DOCK5: variants seen among roughly 807,000 people sequenced by gnomAD.
DOCK5 encodes the protein dedicator of cytokinesis 5, also known as dedicator of cytokinesis protein 5.
In DOCK5, 142 loss-of-function variants were observed where a neutral mutation model predicts 251.8. The ratio of observed to expected loss-of-function variants is 0.56; its 90% CI spans 0.49 to 0.65. The LOEUF (loss-of-function observed/expected upper bound fraction) is 0.65, where lower values mean the gene tolerates loss of function less well. DOCK5 is among the 30% of genes least tolerant of loss of function. The pLI is 0.00. For missense variants in DOCK5, 2,111 were observed against 2,312.3 expected (o/e 0.91, Z 1.79); for synonymous variants, 842 against 835.5 (o/e 1.01, Z -0.13).
intron 13 of DOCK5, among the ~76,000 whole-genome samples, chr8:25,315,640 G>A (rs762187454): frequency 9.2e-5 from 14 of 152,182 alleles, no homozygotes; most frequent in Non-Finnish European, 1.5e-4. Flanking sequence ...TATAAACACC[G>A]CAATGAATAT....
intron 28 of DOCK5, among the ~76,000 whole-genome samples, chr8:25,360,301 C>T (rs372708701): frequency 3.3e-5 from 5 of 152,270 alleles, no homozygotes; most frequent in East Asian, 1.9e-4. Context: ...TGTTAGACTA[C>T]GTGGCTTTAG....
In DOCK5 at chr8:25,251,502, C is replaced by A. The variant is rs114801132; in HGVS notation, c.127+7745C>A. 8.0e-3 allele frequency among the ~76,000 whole-genome samples: 1,213 copies of A among 152,194 alleles called. 14 individuals carry two copies. The highest frequency in any genetic ancestry group is 0.027 in the African/African-American group (1,121 of 41,520). On this transcript the variant is annotated intron_variant, in intron 2 of 51. Transcript: ENST00000276440. ...GTCTAGTTTTTGAATGCACTTTAATCAAAAAATCTACTTCCCTCTAATATG... is the reference window on the plus strand; with the variant it reads ...GTCTAGTTTTTGAATGCACTTTAATAAAAAAATCTACTTCCCTCTAATATG...
At chr8:25,221,465 T>G (rs891434035) in intron 1 of DOCK5, among the ~76,000 whole-genome samples, 1 of 152,136 alleles carries the variant, frequency 6.6e-6, no homozygotes, top group Non-Finnish European at 1.5e-5. Flanking sequence ...CCCGCCACCA[T>G]GCCCGGCTGA....
chr8:25,302,471 G>C lies in DOCK5; in HGVS notation c.976+17G>C, dbSNP rs377231522. 7 of 1,534,496 alleles carry C rather than the reference G, an allele frequency of 4.6e-6. No homozygotes were observed. Among genetic ancestry groups the C allele is most frequent in the Non-Finnish European group, 6.1e-6 (7 of 1,140,360 alleles). On this transcript the variant is annotated intron_variant, in intron 10 of 51. Transcript: ENST00000276440. ...GAGTGGCAGGTACAAGAGAGACCCA[G>C]AGACAAATGTGAAATAGTGCAGTGC...
chr8:25,378,229 C>A (rs576953578), intron 38 of DOCK5, among the ~76,000 whole-genome samples: 1 of 152,278 alleles, frequency 6.6e-6, no homozygotes, highest in East Asian at 1.9e-4. Flanking sequence ...CACCATGAGT[C>A]ACCTCATTAG....
At chr8:25,278,085 C>T (rs1804093268) in intron 4 of DOCK5, among the ~76,000 whole-genome samples, 1 of 152,114 alleles carries the variant, frequency 6.6e-6, no homozygotes, top group Non-Finnish European at 1.5e-5. Context: ...GGGACTATTC[C>T]AGAAAGGGGT....
At chr8:25,230,591 C>G (rs1032361815) in intron 1 of DOCK5, among the ~76,000 whole-genome samples, 1 of 152,146 alleles carries the variant, frequency 6.6e-6, no homozygotes, top group Non-Finnish European at 1.5e-5. Context: ...TGACTCATGC[C>G]TGTAACCCCA....
At chr8:25,277,116 G>T in intron 4 of DOCK5, 1 of 154,178 alleles carries the variant, frequency 6.5e-6, no homozygotes, top group South Asian at 1.8e-4. Context: ...CATCACAGAT[G>T]GGAATTTAAG....
chr8:25,199,485 G>A lies in DOCK5; in HGVS notation c.43+14534G>A, dbSNP rs1414048063. Among the ~76,000 whole-genome samples, 3 of 148,428 alleles carry A rather than the reference G, an allele frequency of 2.0e-5. No homozygotes were observed. The East Asian group carries it at 6.0e-4, about 30-fold the overall frequency. The stretch of plus-strand genomic sequence containing the variant: ...TGCAACCTCCACCTCCTGTGTTCAA[G>A]CAATTCTCCTGCCTCAGCCTCCCTA... On this transcript the variant is annotated intron_variant, in intron 1 of 51. Coordinates refer to ENST00000276440, the MANE Select transcript of DOCK5 (RefSeq NM_024940.8).
chr8:25,368,305 C>T, intron 32 of DOCK5, 55 bp downstream of exon 32: 1 of 1,472,572 alleles, frequency 6.8e-7, no homozygotes, highest in Non-Finnish European at 9.3e-7. Context: ...ATAAGCATCC[C>T]ACGATAAAGT....
intron 1 of DOCK5, among the ~76,000 whole-genome samples, chr8:25,194,129 C>CAA (rs34709261): frequency 0.12 from 16,362 of 139,022 alleles, 1,286 homozygotes; most frequent in African/African-American, 0.23. Context: ...CTAAAAAATA[C>CAA]AAAAAAAAAA....
At chr8:25,342,352 T>C in intron 24 of DOCK5, 49 bp from the exon 25 acceptor site, 1 of 1,452,672 alleles carries the variant, frequency 6.9e-7, no homozygotes, top group Non-Finnish European at 9.4e-7. Context: ...AATGATGCCT[T>C]CAATTTGGCA....
chr8:25,245,220 C>G (rs916501542), intron 2 of DOCK5, among the ~76,000 whole-genome samples: 2 of 152,030 alleles, frequency 1.3e-5, no homozygotes, highest in Admixed American at 1.3e-4. Flanking sequence ...CCACACCCAG[C>G]TAATTTTTTA....
chr8:25,396,247 G>A (rs543892232), intron 45 of DOCK5, among the ~76,000 whole-genome samples: 3 of 152,252 alleles, frequency 2.0e-5, no homozygotes, highest in African/African-American at 7.2e-5. Context: ...AGGCATGATG[G>A]TGCATGCCTG....
chr8:25,308,948 G>A lies in DOCK5; in HGVS notation c.1192+23G>A, dbSNP rs563153145. ...AAGGTACAGTCCAGTGCCAGAGCTG[G>A]GAGGGACTCTGCTGAGGGTGGGGGA... is the stretch of plus-strand genomic sequence containing the variant. On this transcript the variant is annotated intron_variant, in intron 12 of 51. Transcript: ENST00000276440. 20 of 1,528,596 alleles carry A rather than the reference G, an allele frequency of 1.3e-5. 1 individual carries two copies. In the South Asian group the frequency reaches 2.3e-4, roughly 18 times the overall value. 94.7% of individuals were successfully genotyped at this position (1,528,596 alleles called of 1,614,324 possible). A position where few individuals can be genotyped will look rare whatever the true frequency, so the allele number is the denominator to read the frequency against.
At chr8:25,200,816 A>G (rs2117459843) in intron 1 of DOCK5, among the ~76,000 whole-genome samples, 1 of 152,372 alleles carries the variant, frequency 6.6e-6, no homozygotes, top group East Asian at 1.9e-4. Context: ...TCATCTCTTT[A>G]TAATCCTACT....
At chr8:25,245,928 G>C (rs375712568) in intron 2 of DOCK5, among the ~76,000 whole-genome samples, 6 of 152,146 alleles carry the variant, frequency 3.9e-5, no homozygotes, top group African/African-American at 1.4e-4. Flanking sequence ...TGCTTTCTCT[G>C]TTACTGATAG....
Position 25,300,635 on chromosome 8 carries a change from A to G in DOCK5, c.824A>G (p.Asn275Ser), listed in dbSNP as rs778254870. 74 of 1,613,228 alleles carry G rather than the reference A, an allele frequency of 4.6e-5. No homozygotes were observed. In the South Asian group the frequency reaches 5.0e-4, roughly 11 times the overall value. Residue 275 changes from asparagine to serine, a missense_variant, in exon 9 of 52, where the codon AAT becomes AGT. Physicochemically the swap from Asn to Ser is conservative, Grantham distance 46. Around this residue, in one of 3 missense-constraint regions of DOCK5, gnomAD observed 59 missense variants for 95.0 expected, o/e 0.62. Coordinates refer to ENST00000276440, the MANE Select transcript of DOCK5 (RefSeq NM_024940.8). The part of the protein sequence containing the change: ...NGMPKEIEKL[N>S]NLQAVFTDLS... ...ATGCCCAAGGAAATAGAGAAGCTCA[A>G]TAACCTCCAAGCAGTGTTTACAGTA...
intron 2 of DOCK5, among the ~76,000 whole-genome samples, chr8:25,252,454 A>G (rs1424851089): frequency 6.6e-6 from 1 of 152,246 alleles, no homozygotes; most frequent in African/African-American, 2.4e-5. Context: ...AGGTATAGAA[A>G]TACTGCCTTT....
Sources: gnomAD v4.1 joint callset for allele counts (sites outside exome capture counted in the v4.1 genomes callset) on GRCh38, gnomAD v4.1.1 for gene constraint, gnomAD v4.1.1 regional missense constraint, MANE v1.5 for transcripts, NCBI Gene and HGNC (gene_info 2026-07-23, HGNC 2026-07-21) for gene names.